SYTL5: variants seen among roughly 807,000 people sequenced by gnomAD.
SYTL5 encodes synaptotagmin like 5, also known as synaptotagmin-like protein 5.
A neutral mutation model predicts 55.9 loss-of-function variants in SYTL5; 34 were observed. The ratio of observed to expected loss-of-function variants is 0.61; its 90% confidence interval spans 0.46 to 0.81. SYTL5 has a LOEUF of 0.81. Among genes scored for constraint, SYTL5 ranks in the 30% least tolerant of loss-of-function variants. The pLI, the probability that SYTL5 is intolerant of heterozygous loss-of-function variation, is 0.00. For missense variants in SYTL5, 637 were observed against 546.7 expected (o/e 1.17, Z -1.65); for synonymous variants, 221 against 188.7 (o/e 1.17, Z -1.40).
the SYTL5 span, among the ~76,000 whole-genome samples, chrX:37,915,374 G>C: frequency 9.0e-6 from 1 of 111,646 alleles, no homozygotes; most frequent in Non-Finnish European, 1.9e-5. Context: ...GATGAAGTCG[G>C]TGACCTCCTT....
chrX:38,081,576 T>C (rs2208111), intron 6 of SYTL5, among the ~76,000 whole-genome samples: 14,526 of 110,998 alleles, frequency 0.13, 798 homozygotes, highest in Middle Eastern at 0.16. Flanking sequence ...AAGTAATATG[T>C]TCAGGATGTG....
At position 38,084,138 on chromosome X, in the gene SYTL5, A is replaced by G. The variant is rs765738316; in HGVS notation, c.690-5308A>G. 2.2e-4 allele frequency among the ~76,000 whole-genome samples: 25 copies of G among 111,378 alleles called. No homozygotes were observed. In the South Asian group the frequency reaches 8.9e-3, roughly 39 times the overall value. Reference sequence around the variant, plus strand: ...ACTTTCTGTCCAATCACATTTTTACATGGTTGTCAATCATGCCTATGTAAT... The same window carrying G: ...ACTTTCTGTCCAATCACATTTTTACGTGGTTGTCAATCATGCCTATGTAAT... On this transcript the variant is annotated intron_variant, in intron 6 of 16. Coordinates refer to ENST00000297875, the MANE Select transcript of SYTL5 (RefSeq NM_138780.3).
At chrX:38,041,532 A>G (rs888294069) in intron 2 of SYTL5, among the ~76,000 whole-genome samples, 1 of 112,354 alleles carries the variant, frequency 8.9e-6, no homozygotes, top group Non-Finnish European at 1.9e-5. Flanking sequence ...CAGCATGAAC[A>G]TACTGGCTCC....
the SYTL5 span, among the ~76,000 whole-genome samples, chrX:37,896,739 C>T: frequency 8.9e-6 from 1 of 112,107 alleles, no homozygotes; most frequent in African/African-American, 3.2e-5. Context: ...AGCTGACTAT[C>T]AGTGCATGAG....
At chrX:37,928,662 T>A in the SYTL5 span, among the ~76,000 whole-genome samples, 2 of 112,202 alleles carry the variant, frequency 1.8e-5, no homozygotes, top group African/African-American at 6.5e-5. Flanking sequence ...TAGGATTGTA[T>A]AAGACATCAG....
chrX:38,076,216 G>C (rs964047492), intron 5 of SYTL5, among the ~76,000 whole-genome samples: 1 of 111,881 alleles, frequency 8.9e-6, no homozygotes, highest in Non-Finnish European at 1.9e-5. Flanking sequence ...CCCTCTCTGA[G>C]CAAAGGGAGT....
chrX:38,017,821 A>G (rs1393598626), intron 1 of SYTL5, among the ~76,000 whole-genome samples: 1 of 109,566 alleles, frequency 9.1e-6, no homozygotes, highest in Non-Finnish European at 1.9e-5. Flanking sequence ...ATCTAAAGAC[A>G]TAAGTGATTT....
At chrX:38,039,390 C>T (rs965653719) in intron 2 of SYTL5, among the ~76,000 whole-genome samples, 13 of 111,971 alleles carry the variant, frequency 1.2e-4, no homozygotes, top group East Asian at 2.8e-4. Flanking sequence ...CTGACAGTTT[C>T]GAAGCACAAA....
the SYTL5 span, among the ~76,000 whole-genome samples, chrX:37,945,605 G>T: frequency 9.0e-6 from 1 of 111,536 alleles, no homozygotes; most frequent in Non-Finnish European, 1.9e-5. Flanking sequence ...AACTTAGAGC[G>T]TGTCTTCAAA....
chrX:38,103,496 G>A (rs549902510), intron 10 of SYTL5, among the ~76,000 whole-genome samples: 112 of 110,292 alleles, frequency 1.0e-3, no homozygotes, highest in Middle Eastern at 9.3e-3. Flanking sequence ...TCTGCTTACA[G>A]AGGATTTTCT....
intron 6 of SYTL5, among the ~76,000 whole-genome samples, chrX:38,087,741 C>T (rs1037570346): frequency 9.0e-6 from 1 of 111,632 alleles, no homozygotes; most frequent in African/African-American, 3.3e-5. Flanking sequence ...TCTATAAATG[C>T]AAAACCTGCC....
chrX:37,932,461 G>A, the SYTL5 span, among the ~76,000 whole-genome samples: 2 of 111,799 alleles, frequency 1.8e-5, no homozygotes, highest in Non-Finnish European at 3.8e-5. Flanking sequence ...GGAATATTTA[G>A]GAGGAATTAT....
the SYTL5 span, among the ~76,000 whole-genome samples, chrX:37,956,004 A>G: frequency 1.8e-5 from 2 of 111,764 alleles, no homozygotes; most frequent in Non-Finnish European, 3.8e-5. Flanking sequence ...TCCTAAGCCA[A>G]CTCTACTGGT....
chrX:37,931,047 A>G, the SYTL5 span, among the ~76,000 whole-genome samples: 1 of 112,174 alleles, frequency 8.9e-6, no homozygotes, highest in Non-Finnish European at 1.9e-5. Flanking sequence ...CAATTGGCAA[A>G]TGGCATGGAT....
intron 1 of SYTL5, among the ~76,000 whole-genome samples, chrX:38,025,072 A>G (rs1052513067): frequency 8.9e-6 from 1 of 111,962 alleles, no homozygotes; most frequent in Non-Finnish European, 1.9e-5. Context: ...TGCTTGTGGT[A>G]ATCCAATCAC....
chrX:37,972,488 C>T, the SYTL5 span, among the ~76,000 whole-genome samples: 32 of 111,681 alleles, frequency 2.9e-4, no homozygotes, highest in Admixed American at 1.4e-3. Context: ...CCTGCTGATA[C>T]GTTAGCTCCG....
intron 6 of SYTL5, among the ~76,000 whole-genome samples, chrX:38,079,630 G>A (rs765313761): frequency 2.2e-4 from 25 of 112,236 alleles, no homozygotes; most frequent in African/African-American, 7.1e-4. Flanking sequence ...GGATTTATAA[G>A]CAAGTGATTT....
intron 2 of SYTL5, among the ~76,000 whole-genome samples, chrX:38,047,647 T>C (rs768271432): frequency 8.9e-6 from 1 of 112,935 alleles, no homozygotes; most frequent in Non-Finnish European, 1.9e-5. Context: ...TCATTACTTA[T>C]GCAAATTTAT....
At chrX:37,925,214 T>C in the SYTL5 span, among the ~76,000 whole-genome samples, 1 of 112,231 alleles carries the variant, frequency 8.9e-6, no homozygotes, top group African/African-American at 3.2e-5. Context: ...TTTAATCTTT[T>C]CTAATCTTTT....
Sources: allele counts gnomAD v4.1 joint callset (sites outside exome capture counted in the v4.1 genomes callset), GRCh38; gene constraint gnomAD v4.1.1; transcripts MANE v1.5; gene names NCBI Gene and HGNC (gene_info 2026-07-23, HGNC 2026-07-21).